Variants in CSMD3 observed in about 807,000 individuals in gnomAD.
CSMD3 encodes CUB and sushi domain-containing protein 3.
In CSMD3, 177 loss-of-function variants were observed where a neutral mutation model predicts 435.2. The ratio of observed to expected loss-of-function variants is 0.41; its 90% CI spans 0.36 to 0.46. CSMD3 has a LOEUF of 0.46. Among genes scored for constraint, CSMD3 ranks in the 20% least tolerant of loss-of-function variants. The pLI is 0.34. For synonymous variants in CSMD3, 1,656 were observed against 1,520.5 expected, an observed-to-expected ratio of 1.09 and a Z score of -2.07; for missense variants, 4,265 against 4,504.6, an observed-to-expected ratio of 0.95 and a Z score of 1.52.
intron 10 of CSMD3, among the ~76,000 whole-genome samples, chr8:112,920,872 T>C (rs13262072): frequency 0.44 from 66,408 of 149,774 alleles, 14,954 homozygotes; most frequent in East Asian, 0.52. Flanking sequence ...AAAATTGTCC[T>C]CAATGAGTTT....
chr8:112,976,360 T>C (rs2084849058), intron 6 of CSMD3, among the ~76,000 whole-genome samples: 3 of 152,056 alleles, frequency 2.0e-5, no homozygotes, highest in African/African-American at 7.2e-5. Context: ...ACACACAAAA[T>C]ATACCACATT....
intron 3 of CSMD3, among the ~76,000 whole-genome samples, chr8:113,189,907 G>C (rs146123537): frequency 6.6e-6 from 1 of 151,742 alleles, no homozygotes; most frequent in African/African-American, 2.4e-5. Context: ...TTATTGAAAT[G>C]TAAAGAATTC....
intron 11 of CSMD3, among the ~76,000 whole-genome samples, chr8:112,843,277 C>T (rs950419831): frequency 1.4e-4 from 22 of 151,794 alleles, no homozygotes; most frequent in African/African-American, 4.3e-4. Flanking sequence ...CTTGAGGGCT[C>T]CTCCCTTGTA....
In CSMD3 at chr8:112,509,086, C is replaced by CT. The variant is rs758083076; in HGVS notation, c.4757-2258dup. ...TACTTAGAGAGTCTAGATTAGATGT[C>CT]TTTTTTTTTTTTTTTTTCGATACAG... On this transcript the variant is annotated intron_variant, in intron 28 of 70. Transcript: ENST00000297405. 6.9e-3 allele frequency among the ~76,000 whole-genome samples: 913 copies of CT among 132,418 alleles called. 11 individuals carry two copies. The highest frequency in any genetic ancestry group is 0.032 in the East Asian group (148 of 4,578). The allele number at this position is 132,418 out of a possible 152,430, so 86.9% of individuals were successfully genotyped here.
chr8:112,768,844 T>C (rs2078043260), intron 13 of CSMD3, among the ~76,000 whole-genome samples: 1 of 151,920 alleles, frequency 6.6e-6, no homozygotes, highest in Admixed American at 6.6e-5. Flanking sequence ...CCATCAGGCT[T>C]TGTCAAGGTC....
intron 31 of CSMD3, among the ~76,000 whole-genome samples, chr8:112,474,219 A>G (rs999671660): frequency 6.6e-6 from 1 of 152,154 alleles, no homozygotes; most frequent in Non-Finnish European, 1.5e-5. Context: ...AGAATATTCA[A>G]CAAAGATATA....
intron 31 of CSMD3, among the ~76,000 whole-genome samples, chr8:112,487,366 C>A (rs10102620): frequency 7.0e-4 from 107 of 152,048 alleles, no homozygotes; most frequent in Non-Finnish European, 1.3e-3. Flanking sequence ...ATAATCCAGG[C>A]TGAAAGAACA....
intron 5 of CSMD3, among the ~76,000 whole-genome samples, chr8:113,042,086 T>C (rs1472958976): frequency 2.0e-5 from 3 of 152,254 alleles, no homozygotes; most frequent in African/African-American, 2.4e-5. Context: ...TCATATCTCT[T>C]TGTATTTCTA....
Position 112,661,409 on chromosome 8 carries a change from G to A in CSMD3, c.2816+4868C>T, listed in dbSNP as rs189951616. 1.1e-4 allele frequency among the ~76,000 whole-genome samples: 16 copies of A among 152,264 alleles called. No individual in the cohort carries two copies. The East Asian group carries it at 2.9e-3, about 28-fold the overall frequency. On this transcript the variant is annotated intron_variant, in intron 17 of 70. Coordinates refer to ENST00000297405, the MANE Select transcript of CSMD3 (RefSeq NM_198123.2). ...CCTGTTGGAAGGACAGCAGATGCAT[G>A]CTAAGAATTTTGGACAGAGAAAATA...
At chr8:112,556,349 G>C (rs1828116740) in intron 25 of CSMD3, among the ~76,000 whole-genome samples, 1 of 151,982 alleles carries the variant, frequency 6.6e-6, no homozygotes, top group Non-Finnish European at 1.5e-5. Flanking sequence ...ACATGCATGA[G>C]AAAAGAGAAT....
chr8:112,996,282 C>T (rs1372566260), intron 6 of CSMD3, among the ~76,000 whole-genome samples: 2 of 151,484 alleles, frequency 1.3e-5, no homozygotes. Flanking sequence ...CCCTGGTAAC[C>T]ACCATTTTAC....
Position 113,134,624 on chromosome 8 carries a change from CAT to C in CSMD3, c.710-35663_710-35662del, listed in dbSNP as rs540684463. ...CTATATTTATATATGTGCATACACACATATGAAATATTTATAATTTTGTAATA... is the reference window on the plus strand; with the variant it reads ...CTATATTTATATATGTGCATACACACATGAAATATTTATAATTTTGTAATA... On this transcript the variant is annotated intron_variant, in intron 4 of 70. Transcript: ENST00000297405. Among the ~76,000 whole-genome samples, 63 of 152,148 alleles carry C rather than the reference CAT, an allele frequency of 4.1e-4. No individual in the cohort carries two copies. In the East Asian group the frequency reaches 0.011, roughly 26 times the overall value.
intron 58 of CSMD3, among the ~76,000 whole-genome samples, 186 bp downstream of exon 58, chr8:112,286,878 T>TA (rs561622498): frequency 1.3e-5 from 2 of 152,096 alleles, no homozygotes; most frequent in African/African-American, 4.8e-5. Flanking sequence ...GAGGGTTTTT[T>TA]AAAAAAATTA....
intron 35 of CSMD3, among the ~76,000 whole-genome samples, chr8:112,394,884 G>A (rs896281930): frequency 6.6e-6 from 1 of 152,132 alleles, no homozygotes; most frequent in African/African-American, 2.4e-5. Context: ...AATAGTGTTG[G>A]CATGCAGTAA....
At chr8:112,934,832 A>G (rs1425828428) in intron 9 of CSMD3, among the ~76,000 whole-genome samples, 2 of 152,136 alleles carry the variant, frequency 1.3e-5, no homozygotes, top group Non-Finnish European at 2.9e-5. Flanking sequence ...ATCTAGATGT[A>G]TAGTGTGCAA....
intron 13 of CSMD3, among the ~76,000 whole-genome samples, chr8:112,742,850 T>G (rs767699537): frequency 6.6e-6 from 1 of 152,022 alleles, no homozygotes; most frequent in Non-Finnish European, 1.5e-5. Flanking sequence ...AATTTTCCTA[T>G]AGAGAATGGG....
At chr8:113,250,409 G>A (rs924421457) in intron 3 of CSMD3, among the ~76,000 whole-genome samples, 2 of 151,964 alleles carry the variant, frequency 1.3e-5, no homozygotes, top group Non-Finnish European at 2.9e-5. Flanking sequence ...AGAGATGGAG[G>A]AAAAACAATA....
At chr8:112,466,127 G>T (rs1325316459) in intron 32 of CSMD3, among the ~76,000 whole-genome samples, 5 of 152,058 alleles carry the variant, frequency 3.3e-5, no homozygotes, top group Non-Finnish European at 7.4e-5. Context: ...GTAATAATTG[G>T]TTTTAATGCA....
chr8:112,702,231 GGCA>G (rs1319818813), intron 13 of CSMD3, among the ~76,000 whole-genome samples: 2 of 152,062 alleles, frequency 1.3e-5, no homozygotes, highest in African/African-American at 2.4e-5. Context: ...AATTTTAAGT[GGCA>G]GAGCTGGCTT....
Sources: allele counts gnomAD v4.1 joint callset (sites outside exome capture counted in the v4.1 genomes callset), GRCh38; gene constraint gnomAD v4.1.1; transcripts MANE v1.5; gene names NCBI Gene and HGNC (gene_info 2026-07-23, HGNC 2026-07-21).